The following HELQ variants were observed in gnomAD, a reference collection of about 807,000 sequenced individuals.
HELQ encodes the protein helicase, POLQ like.
In HELQ, 77 loss-of-function variants were observed where a neutral mutation model predicts 111.6. The ratio of observed to expected loss-of-function variants is 0.69; its 90% confidence interval spans 0.57 to 0.83. The LOEUF (loss-of-function observed/expected upper bound fraction) is 0.83. Ranked by LOEUF, HELQ falls within the 40% of genes least tolerant of loss-of-function variation. HELQ has a pLI of 0.00. For missense variants in HELQ, 1,200 were observed against 1,288.5 expected (o/e 0.93, Z 1.05); for synonymous variants, 438 against 454.7 (o/e 0.96, Z 0.47).
At position 83,455,591 on chromosome 4, in the gene HELQ, C is replaced by T. The variant is rs751674413; in HGVS notation, c.103G>A (p.Val35Met). 6 of 1,614,032 alleles carry T rather than the reference C, an allele frequency of 3.7e-6. No individual in the cohort carries two copies. In the African/African-American group the frequency reaches 4.0e-5, roughly 11 times the overall value. The change falls in exon 1 of 18, where the codon GTG becomes ATG. Residue 35 changes from valine to methionine, a missense_variant. Coordinates refer to ENST00000295488, the MANE Select transcript of HELQ (RefSeq NM_133636.5). Reference sequence around the variant, plus strand: ...TCCTCTTTCCCCTCATCTCCGGGCACGAGCTCGGCCGCGGTGGGAGCGCCA... The same window carrying T: ...TCCTCTTTCCCCTCATCTCCGGGCATGAGCTCGGCCGCGGTGGGAGCGCCA... ...IFGAPTAAEL[V>M]PGDEGKEEEE... is the part of the protein sequence containing the mutation.
At chr4:83,442,929 T>C (rs958434843) in intron 6 of HELQ, among the ~76,000 whole-genome samples, 1 of 152,136 alleles carries the variant, frequency 6.6e-6, no homozygotes, top group African/African-American at 2.4e-5. Context: ...TGAAAAACTA[T>C]TGAGGCACAA....
intron 15 of HELQ, among the ~76,000 whole-genome samples, chr4:83,418,574 T>G (rs1436205697): frequency 6.6e-6 from 1 of 152,210 alleles, no homozygotes; most frequent in Non-Finnish European, 1.5e-5. Flanking sequence ...ATGGAAATAT[T>G]CAAATGTAAC....
chr4:83,432,027 A>G, intron 10 of HELQ, 99 bp downstream of exon 10: 1 of 726,020 alleles, frequency 1.4e-6, no homozygotes, highest in Non-Finnish European at 2.1e-6. Context: ...TCATTTAAAG[A>G]AAATTAATAA....
rs550809587 is a variant in HELQ at position 83,443,413 on chromosome 4, C to T, written c.1563+104G>A. The T allele has an allele frequency of 1.9e-4, 105 of 540,162 alleles. No individual in the cohort carries two copies. In the African/African-American group the frequency reaches 1.9e-3, roughly 10 times the overall value. 33.5% of individuals were successfully genotyped at this position (540,162 alleles called of 1,614,324 possible). ...TAGTCATGGTGAGTAAAATATGCCC[C>T]TTCACTACTCTACAGAATTCTTTAA... On this transcript the variant is annotated intron_variant, in intron 6 of 17. Coordinates refer to ENST00000295488, the MANE Select transcript of HELQ (RefSeq NM_133636.5).
At chr4:83,423,534 G>GT (rs1560543436) in intron 14 of HELQ, among the ~76,000 whole-genome samples, 1 of 152,098 alleles carries the variant, frequency 6.6e-6, no homozygotes, top group African/African-American at 2.4e-5. Context: ...GTCAATGTAG[G>GT]TTTTTTCTTA....
In HELQ at chr4:83,427,568, T is replaced by C. The variant is rs1006287982; in HGVS notation, c.2671A>G (p.Arg891Gly). ...QCNPDWMIYF[R>G]QFSQLSPAEQ... is the part of the protein sequence containing the mutation. The stretch of plus-strand genomic sequence containing the variant: ...GAAAAACGTTATATTCTCACCTGCC[T>C]GAAGTATATCATCCAATCAGGGTTA... The change falls in exon 13 of 18, where the codon AGG (arginine) becomes GGG (glycine). Residue 891 changes from arginine (R) to glycine (G), a missense_variant. Coordinates refer to ENST00000295488, the MANE Select transcript of HELQ (RefSeq NM_133636.5). 1.6e-5 allele frequency: 24 copies of C among 1,543,448 alleles called. No homozygotes were observed. Among genetic ancestry groups the C allele is most frequent in the Middle Eastern group, 1.7e-4 (1 of 5,808 alleles).
intron 2 of HELQ, among the ~76,000 whole-genome samples, chr4:83,449,757 T>G (rs767611739): frequency 6.6e-6 from 1 of 152,002 alleles, no homozygotes; most frequent in Admixed American, 6.6e-5. Context: ...AATAAATACA[T>G]GGCCAATAAG....
intron 17 of HELQ, among the ~76,000 whole-genome samples, chr4:83,409,553 C>CAA (rs34988490): frequency 3.3e-4 from 47 of 143,622 alleles, no homozygotes; most frequent in African/African-American, 8.3e-4. Context: ...TACTCTGTCT[C>CAA]AAAAAAAAAA....
chr4:83,450,626 G>C lies in HELQ; in HGVS notation c.1013-1665C>G, dbSNP rs111943811. 3.5e-5 allele frequency among the ~76,000 whole-genome samples: 5 copies of C among 141,708 alleles called. 1 individual carries two copies. Among genetic ancestry groups the C allele is most frequent in the African/African-American group, 1.3e-4 (5 of 38,394 alleles). The allele number at this position is 141,708 out of a possible 152,430, so 93.0% of individuals were successfully genotyped here. ...CAATTCAGATTTTTAAGCATAACAT[G>C]ACAAAATAACTAATATTTATGAATA... On this transcript the variant is annotated intron_variant, in intron 2 of 17. Transcript: ENST00000295488.
Position 83,431,658 on chromosome 4 carries a change from A to G in HELQ, c.2295+6T>C. ...AGTAATAAGATAAAAAATTTAAGAA[A>G]AATACCTTCAAACCAATCAAAGAGA... On this transcript the variant is annotated splice_donor_region_variant and intron_variant, in intron 11 of 17. Coordinates refer to ENST00000295488, the MANE Select transcript of HELQ (RefSeq NM_133636.5). 6.7e-7 allele frequency: 1 copy of G among 1,489,896 alleles called. No homozygotes were observed. The highest frequency in any genetic ancestry group is 9.1e-7 in the Non-Finnish European group (1 of 1,097,532). 92.3% of individuals were successfully genotyped at this position (1,489,896 alleles called of 1,614,324 possible).
rs1422130223 is a variant in HELQ, at chr4:83,448,799, G to A, written c.1175C>T (p.Ala392Val). 1 of 1,612,368 alleles carries A rather than the reference G, an allele frequency of 6.2e-7. No individual in the cohort carries two copies. The highest frequency in any genetic ancestry group is 1.7e-5 in the Admixed American group (1 of 59,794). ...CACACACACCTTTTCTTGGACAATT[G>A]CCACATATGGAAGAATCATTAAAAC... ...KDVLMILPYV[A>V]IVQEKISGLS... Residue 392 changes from alanine to valine, a missense_variant, in exon 3 of 18, where the codon GCA (alanine) becomes GTA (valine). Coordinates refer to ENST00000295488, the MANE Select transcript of HELQ (RefSeq NM_133636.5).
chr4:83,440,919 ATTT>A (rs1460790891), intron 7 of HELQ, among the ~76,000 whole-genome samples: 1 of 152,246 alleles, frequency 6.6e-6, no homozygotes, highest in Non-Finnish European at 1.5e-5. Flanking sequence ...GTGAAAAAAT[ATTT>A]TTATTTCATT....
rs547088452 is a variant in HELQ, at chr4:83,420,916, C to T, written c.2949+647G>A. Among the ~76,000 whole-genome samples, 123 of 151,652 alleles carry T rather than the reference C, an allele frequency of 8.1e-4. 1 individual carries two copies. The highest frequency in any genetic ancestry group is 2.7e-3 in the African/African-American group (114 of 41,458). On this transcript the variant is annotated intron_variant, in intron 15 of 17. Transcript: ENST00000295488. ...TTACACCACTACACTCCAGCCTGGG[C>T]GTCAGAGTGAGACCCAAGTAGCTGG... is the stretch of plus-strand genomic sequence containing the variant.
intron 2 of HELQ, among the ~76,000 whole-genome samples, chr4:83,451,178 T>C: frequency 6.6e-6 from 1 of 152,208 alleles, no homozygotes; most frequent in East Asian, 1.9e-4. Flanking sequence ...AAGCTACCAA[T>C]GTAATTACTG....
intron 14 of HELQ, among the ~76,000 whole-genome samples, chr4:83,425,784 A>C (rs1242401087): frequency 2.6e-5 from 4 of 152,196 alleles, no homozygotes; most frequent in African/African-American, 9.7e-5. Context: ...TCATCACACT[A>C]CCCAGAAATA....
chr4:83,444,144 G>A (rs1222652779), intron 5 of HELQ, among the ~76,000 whole-genome samples: 5 of 152,186 alleles, frequency 3.3e-5, no homozygotes, highest in Non-Finnish European at 7.3e-5. Context: ...GAAGTTTACA[G>A]AGTTTCAAAC....
At position 83,432,115 on chromosome 4, in the gene HELQ, TTGAG is replaced by T; in HGVS notation, c.2190+7_2190+10del. 1 of 1,555,850 alleles carries T rather than the reference TTGAG, an allele frequency of 6.4e-7. No homozygotes were observed. The highest frequency in any genetic ancestry group is 1.3e-5 in the South Asian group (1 of 78,740). On this transcript the variant is annotated splice_region_variant and intron_variant, in intron 10 of 17. Transcript: ENST00000295488. The stretch of plus-strand genomic sequence containing the variant: ...AGACAAAAACAACCAACCAACCAAA[TTGAG>T]TATTACCTGTTGTTTGTCTTTTTCT...
At chr4:83,443,911 A>T (rs1185744883) in intron 5 of HELQ, among the ~76,000 whole-genome samples, 5 of 151,942 alleles carry the variant, frequency 3.3e-5, no homozygotes, top group African/African-American at 4.8e-5. Context: ...TGGGCATGGT[A>T]GTGCACGCCT....
Position 83,446,746 on chromosome 4 carries a change from T to C in HELQ, c.1392+89A>G, listed in dbSNP as rs944597096. 9 of 728,072 alleles carry C rather than the reference T, an allele frequency of 1.2e-5. No individual in the cohort carries two copies. In the African/African-American group the frequency reaches 1.4e-4, roughly 12 times the overall value. The allele number at this position is 728,072 out of a possible 1,614,324, so 45.1% of individuals were successfully genotyped here. On this transcript the variant is annotated intron_variant, in intron 4 of 17. Transcript: ENST00000295488. ...AATAAATTTATTTTTATAGAGGTAC[T>C]AAGGTACTAAGTAGATCCACACAAT...
Sources: allele counts gnomAD v4.1 joint callset (sites outside exome capture counted in the v4.1 genomes callset), GRCh38; gene constraint gnomAD v4.1.1; transcripts MANE v1.5; gene names NCBI Gene and HGNC (gene_info 2026-07-23, HGNC 2026-07-21).